The following CDH4 variants were observed in gnomAD, a reference collection of about 807,000 sequenced individuals.
CDH4 encodes the protein cadherin-4.
Under a neutral mutation model 86.0 loss-of-function variants are expected in CDH4, and 33 were observed. That is an observed-to-expected ratio of 0.38 (90% CI 0.29 to 0.51). CDH4 has a LOEUF of 0.51. Among genes scored for constraint, CDH4 ranks in the 20% least tolerant of loss-of-function variants. The probability of loss-of-function intolerance (pLI) is 0.86; values close to 1 mark genes in which losing one functional copy is unlikely to be tolerated. For synonymous variants in CDH4, 555 were observed against 549.4 expected (o/e 1.01, Z -0.14); for missense variants, 1,114 against 1,307.4 (o/e 0.85, Z 2.28).
intron 2 of CDH4, among the ~76,000 whole-genome samples, chr20:61,614,429 A>AAGCAAATTG (rs780121641): frequency 2.6e-5 from 4 of 152,038 alleles, no homozygotes; most frequent in Non-Finnish European, 5.9e-5. Flanking sequence ...CAGTAAACTT[A>AAGCAAATTG]AGCAAATTGT....
At chr20:61,701,267 G>A (rs558815157) in intron 2 of CDH4, among the ~76,000 whole-genome samples, 1 of 152,186 alleles carries the variant, frequency 6.6e-6, no homozygotes, top group Non-Finnish European at 1.5e-5. Context: ...CTAATTTCAT[G>A]TGCCATGACC....
chr20:61,800,383 A>T (rs1979767710), intron 4 of CDH4, among the ~76,000 whole-genome samples: 2 of 152,168 alleles, frequency 1.3e-5, no homozygotes, highest in African/African-American at 2.4e-5. Context: ...CAAGAGTCCC[A>T]TGCCCGCCGC....
chr20:61,563,426 C>A (rs1239792037), intron 2 of CDH4, among the ~76,000 whole-genome samples: 1 of 152,252 alleles, frequency 6.6e-6, no homozygotes, highest in African/African-American at 2.4e-5. Flanking sequence ...TTCTCCCTCA[C>A]TTGCTCCAGG....
At chr20:61,470,107 G>A (rs1301346767) in intron 2 of CDH4, among the ~76,000 whole-genome samples, 2 of 152,064 alleles carry the variant, frequency 1.3e-5, no homozygotes, top group Non-Finnish European at 2.9e-5. Context: ...AATGTCATTG[G>A]TATTTTCATA....
intron 2 of CDH4, among the ~76,000 whole-genome samples, chr20:61,667,312 G>C (rs1273137270): frequency 2.0e-5 from 3 of 152,208 alleles, no homozygotes; most frequent in Admixed American, 2.0e-4. Flanking sequence ...CGCCCACCCT[G>C]GGGCTCCGCA....
intron 9 of CDH4, among the ~76,000 whole-genome samples, chr20:61,916,683 A>G (rs2122947931): frequency 6.6e-6 from 1 of 152,312 alleles, no homozygotes; most frequent in South Asian, 2.1e-4. Flanking sequence ...CAGGCACCAT[A>G]TCATGTATGT....
chr20:61,659,139 C>A, intron 2 of CDH4, among the ~76,000 whole-genome samples: 1 of 152,184 alleles, frequency 6.6e-6, no homozygotes, highest in East Asian at 1.9e-4. Context: ...ATAACAGCAA[C>A]ACCCAAGAGA....
chr20:61,595,771 T>A (rs760198407), intron 2 of CDH4, among the ~76,000 whole-genome samples: 8 of 152,220 alleles, frequency 5.3e-5, no homozygotes, highest in Non-Finnish European at 1.0e-4. Context: ...GGCCACTGGA[T>A]GAATTTGTGG....
chr20:61,780,637 T>A (rs568714640), intron 4 of CDH4, among the ~76,000 whole-genome samples: 23 of 152,338 alleles, frequency 1.5e-4, no homozygotes, highest in African/African-American at 5.3e-4. Context: ...GGTGGTGTGG[T>A]TTATTTCATT....
chr20:61,773,055 A>G lies in CDH4; in HGVS notation c.449A>G (p.Asp150Gly), dbSNP rs766859186. Residue 150 changes from aspartate (D) to glycine (G), a missense_variant, in exon 4 of 16, where the codon GAC becomes GGC. Coordinates refer to ENST00000614565, the MANE Select transcript of CDH4 (RefSeq NM_001794.5). ...VALDPSPPPK[D>G]TLLPWPQHQN... ...CTGGACCCCTCTCCGCCTCCGAAGG[A>G]CACCCTGCTGCCGTGGCCCCAGCAC... 1.9e-6 allele frequency: 3 copies of G among 1,613,470 alleles called. No homozygotes were observed. The highest frequency in any genetic ancestry group is 2.5e-6 in the Non-Finnish European group (3 of 1,179,824).
At chr20:61,847,783 TGAGA>T (rs148387985) in intron 5 of CDH4, among the ~76,000 whole-genome samples, 4 of 145,080 alleles carry the variant, frequency 2.8e-5, no homozygotes, top group East Asian at 2.0e-4. Context: ...GTGGCAGGAG[TGAGA>T]GAGAGAGAGA....
intron 2 of CDH4, among the ~76,000 whole-genome samples, chr20:61,724,559 G>A (rs914528603): frequency 5.9e-5 from 9 of 152,226 alleles, no homozygotes; most frequent in African/African-American, 4.8e-5. Context: ...AGACAGAAGA[G>A]GCAGCAGGAA....
intron 2 of CDH4, among the ~76,000 whole-genome samples, chr20:61,665,752 A>C (rs946944048): frequency 2.0e-5 from 3 of 152,082 alleles, no homozygotes; most frequent in African/African-American, 7.2e-5. Context: ...CTAACATCGG[A>C]TTTATCTCCG....
intron 2 of CDH4, among the ~76,000 whole-genome samples, chr20:61,420,281 C>T (rs1402787417): frequency 6.6e-6 from 1 of 152,204 alleles, no homozygotes; most frequent in Admixed American, 6.5e-5. Context: ...GCACCGGGGC[C>T]TGGAAAGGGC....
At chr20:61,746,417 T>C (rs2088415253) in intron 3 of CDH4, among the ~76,000 whole-genome samples, 1 of 152,142 alleles carries the variant, frequency 6.6e-6, no homozygotes, top group South Asian at 2.1e-4. Flanking sequence ...CCCCAAGTGG[T>C]GTAGGCTCAT....
At chr20:61,897,928 C>T (rs1448254096) in intron 8 of CDH4, among the ~76,000 whole-genome samples, 1 of 152,216 alleles carries the variant, frequency 6.6e-6, no homozygotes, top group Non-Finnish European at 1.5e-5. Context: ...ATCTGCAGTC[C>T]ACTGCTTTGG....
chr20:61,448,804 C>A (rs895035975), intron 2 of CDH4, among the ~76,000 whole-genome samples: 3 of 152,100 alleles, frequency 2.0e-5, no homozygotes, highest in African/African-American at 7.2e-5. Flanking sequence ...CTTTTTGATA[C>A]TCTGAAAAGG....
In CDH4 at chr20:61,741,692, C is replaced by T. The variant is rs370714759; in HGVS notation, c.170-1871C>T. Among the ~76,000 whole-genome samples, 24 of 152,198 alleles carry T rather than the reference C, an allele frequency of 1.6e-4. No homozygotes were observed. The East Asian group carries it at 4.3e-3, about 27-fold the overall frequency. On this transcript the variant is annotated intron_variant, in intron 2 of 15. Transcript: ENST00000614565. Reference sequence around the variant, plus strand: ...ATTTTTAGTAGAGACGGGGTTTCACCGTGTTAGCCAGGATGGTCTCGATCC... The same window carrying T: ...ATTTTTAGTAGAGACGGGGTTTCACTGTGTTAGCCAGGATGGTCTCGATCC...
At chr20:61,557,779 C>T (rs146508198) in intron 2 of CDH4, among the ~76,000 whole-genome samples, 1 of 139,452 alleles carries the variant, frequency 7.2e-6, no homozygotes, top group Non-Finnish European at 1.6e-5. Context: ...GCATTTTAAT[C>T]ACTCAAAGAC....
Sources: gnomAD v4.1 joint callset for allele counts (sites outside exome capture counted in the v4.1 genomes callset) on GRCh38, gnomAD v4.1.1 for gene constraint, MANE v1.5 for transcripts, NCBI Gene and HGNC (gene_info 2026-07-23, HGNC 2026-07-21) for gene names.